NFIA: variants seen among roughly 807,000 people sequenced by gnomAD.
The protein encoded by NFIA is nuclear factor 1 A-type.
In NFIA, 8 loss-of-function variants were observed where a neutral mutation model predicts 62.8. The observed-to-expected ratio is 0.13, with a 90% CI of 0.07 to 0.23. The LOEUF is 0.23. NFIA is among the 10% of genes least tolerant of loss of function. The pLI is 1.00. For synonymous variants in NFIA, 235 were observed against 238.1 expected (o/e 0.99, Z 0.12); for missense variants, 410 against 642.1 (o/e 0.64, Z 3.91).
chr1:61,086,313 C>T (rs779999035), intron 1 of NFIA, among the ~76,000 whole-genome samples: 3 of 152,096 alleles, frequency 2.0e-5, no homozygotes, highest in Non-Finnish European at 2.9e-5. Context: ...AATTTAGTAA[C>T]GTTTAGATGC....
intron 2 of NFIA, among the ~76,000 whole-genome samples, chr1:61,191,941 TTTGTTG>T (rs372232804): frequency 2.7e-5 from 4 of 145,470 alleles, no homozygotes; most frequent in South Asian, 4.6e-4. Flanking sequence ...AATAACAAGT[TTTGTTG>T]TTGTTGTTGT....
intron 2 of NFIA, among the ~76,000 whole-genome samples, chr1:61,153,187 A>C (rs1033564249): frequency 6.6e-6 from 1 of 152,184 alleles, no homozygotes; most frequent in African/African-American, 2.4e-5. Context: ...CAAACACTTG[A>C]ATTGGAATGT....
At chr1:61,253,945 A>T (rs753440811) in intron 2 of NFIA, among the ~76,000 whole-genome samples, 1 of 152,184 alleles carries the variant, frequency 6.6e-6, no homozygotes, top group African/African-American at 2.4e-5. Flanking sequence ...ATTATTTTTA[A>T]AACTTTTTTT....
At position 61,352,763 on chromosome 1, in the gene NFIA, ACACACACACACACACACACACG is replaced by A. The variant is rs905549785; in HGVS notation, c.818+206_818+227del. On this transcript the variant is annotated intron_variant, in intron 5 of 10. Transcript: ENST00000403491. Reference sequence around the variant, plus strand: ...GCATGTGGCAAGATTAAATACACACACACACACACACACACACACACGCACACACACTAAAAAACTGTGAACT... The same window carrying A: ...GCATGTGGCAAGATTAAATACACACACACACACACTAAAAAACTGTGAACT... 4.7e-4 allele frequency among the ~76,000 whole-genome samples: 58 copies of A among 124,718 alleles called. 1 individual carries two copies. The highest frequency in any genetic ancestry group is 5.4e-4 in the Non-Finnish European group (32 of 59,148). The allele number at this position is 124,718 out of a possible 152,430, so 81.8% of individuals were successfully genotyped here.
intron 2 of NFIA, chr1:61,124,585 T>C (rs1646938370): frequency 6.6e-6 from 1 of 152,220 alleles, no homozygotes; most frequent in African/African-American, 2.4e-5. Flanking sequence ...TGTTGTGTTA[T>C]CAGTGTAAAA....
chr1:61,119,166 G>A (rs757708860), intron 2 of NFIA, among the ~76,000 whole-genome samples: 28 of 152,002 alleles, frequency 1.8e-4, no homozygotes, highest in Admixed American at 2.0e-4. Flanking sequence ...ATATTTGCAC[G>A]TATAATTGGT....
chr1:61,315,465 C>T (rs964187928), intron 3 of NFIA, among the ~76,000 whole-genome samples: 19 of 152,234 alleles, frequency 1.2e-4, no homozygotes, highest in Middle Eastern at 6.8e-3. Context: ...GATCGATTTT[C>T]TGATGTTAGA....
chr1:61,346,467 C>T (rs142838194), intron 4 of NFIA, among the ~76,000 whole-genome samples: 1 of 152,338 alleles, frequency 6.6e-6, no homozygotes, highest in African/African-American at 2.4e-5. Context: ...AAAAAGTATA[C>T]TGTGTTACAT....
At chr1:61,118,139 C>T (rs1205001140) in intron 2 of NFIA, among the ~76,000 whole-genome samples, 4 of 150,416 alleles carry the variant, frequency 2.7e-5, no homozygotes, top group Non-Finnish European at 5.9e-5. Flanking sequence ...GAGCTGAGGC[C>T]GCACCACTGC....
intron 6 of NFIA, among the ~76,000 whole-genome samples, chr1:61,373,107 C>T (rs994852257): frequency 2.0e-5 from 3 of 152,126 alleles, no homozygotes; most frequent in Admixed American, 6.6e-5. Context: ...CATTGCACAA[C>T]GCTAGCTTCC....
intron 2 of NFIA, among the ~76,000 whole-genome samples, chr1:61,259,010 C>T (rs1310817402): frequency 6.6e-6 from 1 of 152,184 alleles, no homozygotes; most frequent in Non-Finnish European, 1.5e-5. Flanking sequence ...CATAAGCCAC[C>T]ATGCCTGGCC....
chr1:61,422,483 A>G (rs1195084596), intron 9 of NFIA, among the ~76,000 whole-genome samples: 10 of 152,188 alleles, frequency 6.6e-5, no homozygotes, highest in Admixed American at 2.0e-4. Context: ...TTTTGCAGAT[A>G]TATCCCTTAT....
At chr1:61,255,748 G>A (rs1316160029) in intron 2 of NFIA, among the ~76,000 whole-genome samples, 1 of 152,186 alleles carries the variant, frequency 6.6e-6, no homozygotes, top group African/African-American at 2.4e-5. Flanking sequence ...GTGAAACTAA[G>A]TAGAAAAGAT....
chr1:61,135,148 C>T (rs1647159199), intron 2 of NFIA, among the ~76,000 whole-genome samples: 1 of 152,184 alleles, frequency 6.6e-6, no homozygotes, highest in South Asian at 2.1e-4. Context: ...TGTGTATAGG[C>T]TGCAGCAGAC....
At chr1:61,078,289 G>A (rs754639093), upstream of NFIA, among the ~76,000 whole-genome samples, 11 of 152,018 alleles carry the variant, frequency 7.2e-5, no homozygotes, top group Non-Finnish European at 1.3e-4. Context: ...GATCGGGGGA[G>A]TTTTGCATGA....
At chr1:61,080,976 T>C (rs547511362), upstream of NFIA, among the ~76,000 whole-genome samples, 34 of 151,688 alleles carry the variant, frequency 2.2e-4, no homozygotes, top group South Asian at 6.8e-3. Context: ...CACCCTCACT[T>C]GTTAACACAT....
rs540001646 is a variant in NFIA at position 61,267,534 on chromosome 1, A to G, written c.560-9986A>G. On this transcript the variant is annotated intron_variant, in intron 2 of 10. Transcript: ENST00000403491. ...AAGAAAAAAAAAAATTGGATACTTT[A>G]CACCATTTCCAGCAATGCTAGTTAT... 8.5e-5 allele frequency among the ~76,000 whole-genome samples: 13 copies of G among 152,106 alleles called. No homozygotes were observed. The South Asian group carries it at 2.7e-3, about 32-fold the overall frequency.
intron 9 of NFIA, among the ~76,000 whole-genome samples, chr1:61,422,377 G>A (rs1486272556): frequency 6.6e-6 from 1 of 152,140 alleles, no homozygotes; most frequent in Non-Finnish European, 1.5e-5. Context: ...ACTCAAATCA[G>A]TTTGACCACG....
chr1:61,167,186 T>C (rs1387420202), intron 2 of NFIA, among the ~76,000 whole-genome samples: 1 of 152,136 alleles, frequency 6.6e-6, no homozygotes, highest in African/African-American at 2.4e-5. Flanking sequence ...ATTTCTTATG[T>C]TCCCATAGTG....
Sources: gnomAD v4.1 joint callset for allele counts (sites outside exome capture counted in the v4.1 genomes callset) on GRCh38, gnomAD v4.1.1 for gene constraint, MANE v1.5 for transcripts, NCBI Gene and HGNC (gene_info 2026-07-23, HGNC 2026-07-21) for gene names.